Variants in MYO15B observed in about 807,000 individuals in gnomAD.
MYO15B encodes the protein myosin XVB pseudogene.
In MYO15B, 207 loss-of-function variants were observed where a neutral mutation model predicts 119.3. The observed-to-expected ratio is 1.73, with a 90% CI of 1.55 to 1.95. The LOEUF is 1.95. MYO15B is among the 30% of genes most tolerant of loss of function. MYO15B has a pLI of 0.00. For synonymous variants in MYO15B, 966 were observed against 498.9 expected (o/e 1.94, Z -12.48); for missense variants, 2,264 against 1,203.1 (o/e 1.88, Z -13.04).
exon 64 of MYO15B, chr17:75,626,748 G>A: frequency 1.8e-6 from 1 of 557,938 alleles, no homozygotes; most frequent in Non-Finnish European, 3.2e-6. Context: ...CCAGTCTGAG[G>A]GAGATGCCCA....
chr17:75,626,054 A>C, intron 62 of MYO15B, 34 bp from the exon 63 acceptor site: 1 of 699,152 alleles, frequency 1.4e-6, no homozygotes. Context: ...CCCTCCCCGG[A>C]GAGGAGACCA....
chr17:75,618,450 C>A (rs757413703), intron 43 of MYO15B, among the ~76,000 whole-genome samples: 9 of 152,134 alleles, frequency 5.9e-5, no homozygotes, highest in South Asian at 4.1e-4. Flanking sequence ...GTCAGGAGTT[C>A]GAGACCAGTC....
chr17:75,617,158 G>T (rs1568204694), exon 41 of MYO15B: 3 of 688,854 alleles, frequency 4.4e-6, no homozygotes, highest in Non-Finnish European at 8.0e-6. Flanking sequence ...CTACAGCTTG[G>T]GCCCTCTAGC....
At chr17:75,623,854 C>T (rs768445985) in exon 54 of MYO15B, 32 of 598,312 alleles carry the variant, frequency 5.3e-5, no homozygotes, top group African/African-American at 3.9e-4. Flanking sequence ...CACCCCCGGC[C>T]GTGAGTGGGG....
At chr17:75,617,281 G>A in exon 41 of MYO15B, 1 of 662,810 alleles carries the variant, frequency 1.5e-6, no homozygotes, top group South Asian at 1.6e-5. Flanking sequence ...GAGGACCCAG[G>A]GACCCTTTCA....
rs2147985224 is a variant in MYO15B at position 75,612,715 on chromosome 17, TC to T, written c.4636-80del. 9 of 684,176 alleles carry T rather than the reference TC, an allele frequency of 1.3e-5. No homozygotes were observed. In the East Asian group the frequency reaches 1.3e-4, roughly 10 times the overall value. The allele number at this position is 684,176 out of a possible 1,614,324, so 42.4% of individuals were successfully genotyped here. A position where few individuals can be genotyped will look rare whatever the true frequency, so the allele number is the denominator to read the frequency against. ...CATTTCTGTCCAGCCCCTCTGCCTC[TC>T]CCGAGGTGCCTGCTCCGGTGGGGCT... On this transcript the variant is annotated intron_variant, in intron 25 of 63. Transcript: ENST00000645453.
intron 15 of MYO15B, chr17:75,602,267 A>G (rs547006517): frequency 1.1e-4 from 68 of 594,840 alleles, no homozygotes; most frequent in Non-Finnish European, 1.6e-4. Context: ...TAGTCAACCT[A>G]TTGACTAGCA....
chr17:75,600,430 C>CTTTT (rs11295393), intron 14 of MYO15B, among the ~76,000 whole-genome samples: 1 of 145,948 alleles, frequency 6.9e-6, no homozygotes, highest in Non-Finnish European at 1.5e-5. Context: ...ATCCCCATTT[C>CTTTT]TTTTTTTTTT....
At position 75,625,645 on chromosome 17, in the gene MYO15B, C is replaced by T; in HGVS notation, c.8923C>T (p.Gln2975Ter). The change falls in exon 61 of 64, where the codon CAG becomes TAG. Residue 2975 changes from glutamine (Q) to a stop codon, truncating the protein, a stop_gained. Transcript: ENST00000645453. LOFTEE classifies it high-confidence loss of function. ...GGAAGGACACAGCCCCCAGGAAGCA[C>T]AGATCAGCTTCATTGGTGGGTCTGG... 1 of 702,992 alleles carries T rather than the reference C, an allele frequency of 1.4e-6. No homozygotes were observed. The highest frequency in any genetic ancestry group is 2.6e-6 in the Non-Finnish European group (1 of 385,012). The allele number at this position is 702,992 out of a possible 1,614,324, so 43.5% of individuals were successfully genotyped here.
At chr17:75,612,676 AAG>A in intron 25 of MYO15B, 120 bp from the exon 26 acceptor site, 1 of 623,364 alleles carries the variant, frequency 1.6e-6, no homozygotes, top group Non-Finnish European at 2.9e-6. Context: ...AAAAAAAAAA[AAG>A]GCATTAAGAT....
intron 20 of MYO15B, 116 bp from the exon 21 acceptor site, chr17:75,605,748 C>CCCA: frequency 1.5e-6 from 1 of 655,800 alleles, no homozygotes; most frequent in African/African-American, 1.8e-5. Flanking sequence ...AAGGGCTGGA[C>CCCA]GGCAGGGCCA....
chr17:75,596,063 G>A (rs2056838915), intron 12 of MYO15B, among the ~76,000 whole-genome samples: 1 of 152,226 alleles, frequency 6.6e-6, no homozygotes, highest in African/African-American at 2.4e-5. Context: ...CTAAGAGAGT[G>A]CTGAGGGAGC....
chr17:75,589,222 C>G lies in MYO15B; in HGVS notation c.1165C>G (p.Arg389Gly), dbSNP rs2147670865. 5.0e-6 allele frequency: 2 copies of G among 397,704 alleles called. No individual in the cohort carries two copies. Among genetic ancestry groups the G allele is most frequent in the East Asian group, 7.1e-5 (2 of 28,060 alleles). 24.6% of individuals were successfully genotyped at this position (397,704 alleles called of 1,614,324 possible). Residue 389 changes from arginine (R) to glycine (G), a missense_variant, in exon 1 of 64, where the codon CGG (arginine) becomes GGG (glycine). By Grantham distance (125) the Arg-to-Gly change is moderately radical (BLOSUM62 -2). Coordinates refer to ENST00000645453, the Ensembl canonical transcript of MYO15B. This position sits in a 1 kb window ranked among gnomAD's most constrained non-coding sequence, Gnocchi z 4.2. ...GCGGCGGCGGCTGCGGCTGCGGCGG[C>G]GGCCGCCAGAGGGCGAGGGGCAGGG...
At chr17:75,597,141 G>T (rs2056916364) in intron 14 of MYO15B, among the ~76,000 whole-genome samples, 1 of 152,216 alleles carries the variant, frequency 6.6e-6, no homozygotes, top group South Asian at 2.1e-4. Context: ...GGCCTCTGAG[G>T]TTCCTCACGT....
intron 29 of MYO15B, chr17:75,613,985 GA>G (rs1428100475): frequency 1.7e-6 from 1 of 598,680 alleles, no homozygotes; most frequent in Non-Finnish European, 3.0e-6. Flanking sequence ...CAGCAGGTCA[GA>G]AAAGAAATGC....
At chr17:75,609,173 G>C (rs1327601611) in intron 21 of MYO15B, among the ~76,000 whole-genome samples, 1 of 151,714 alleles carries the variant, frequency 6.6e-6, no homozygotes, top group East Asian at 1.9e-4. Context: ...CATTGCACCC[G>C]ACCAGTGGTG....
At chr17:75,592,643 C>T (rs1255841401) in intron 8 of MYO15B, 36 bp from the exon 9 acceptor site, 3 of 671,554 alleles carry the variant, frequency 4.5e-6, no homozygotes, top group Admixed American at 4.2e-5. Context: ...TATGGGGTGG[C>T]AGGCCCCGCT....
chr17:75,606,440 G>A (rs192438243), intron 21 of MYO15B, among the ~76,000 whole-genome samples: 26 of 149,838 alleles, frequency 1.7e-4, no homozygotes, highest in Non-Finnish European at 2.7e-4. Flanking sequence ...TCAGCCTCCC[G>A]AGTAGCTGGG....
intron 7 of MYO15B, 33 bp downstream of exon 7, chr17:75,592,334 G>A: frequency 1.4e-6 from 1 of 702,266 alleles, no homozygotes; most frequent in South Asian, 1.5e-5. Context: ...CCCCTGCCCA[G>A]TTCCCAGAGT....
Sources: gnomAD v4.1 joint callset for allele counts (sites outside exome capture counted in the v4.1 genomes callset) on GRCh38, gnomAD v4.1.1 for gene constraint, Gnocchi (gnomAD v3.1) non-coding constraint, MANE v1.5 for transcripts, NCBI Gene and HGNC (gene_info 2026-07-23, HGNC 2026-07-21) for gene names.